TNN: variants seen among roughly 807,000 people sequenced by gnomAD.
The protein encoded by TNN is tenascin-N.
In TNN, 122 loss-of-function variants were observed where a neutral mutation model predicts 134.4. The observed-to-expected ratio is 0.91, with a 90% CI of 0.78 to 1.06. TNN has a LOEUF of 1.06. Among genes scored for constraint, TNN ranks in the 50% least tolerant of loss-of-function variants. The pLI is 0.00. For synonymous variants in TNN, 710 were observed against 670.3 expected (o/e 1.06, Z -0.91); for missense variants, 1,739 against 1,699.4 (o/e 1.02, Z -0.41).
intron 9 of TNN, among the ~76,000 whole-genome samples, chr1:175,103,587 C>A (rs989491115): frequency 6.9e-6 from 1 of 144,410 alleles, no homozygotes; most frequent in Non-Finnish European, 1.5e-5. Flanking sequence ...TTTACTACTT[C>A]TATCTCTCTC....
chr1:175,135,424 T>G (rs749103025), intron 15 of TNN, among the ~76,000 whole-genome samples: 4 of 152,166 alleles, frequency 2.6e-5, no homozygotes, highest in Non-Finnish European at 5.9e-5. Context: ...AAATAATTCC[T>G]ACCCTCAAAC....
Position 175,118,549 on chromosome 1 carries a change from T to TA in TNN, c.2387-12_2387-11insA. 1 of 1,609,694 alleles carries TA rather than the reference T, an allele frequency of 6.2e-7. No individual in the cohort carries two copies. The highest frequency in any genetic ancestry group is 8.5e-7 in the Non-Finnish European group (1 of 1,177,564). ...GTTCATAGTGCATATTGGTCAGCAT[T>TA]TTTTTTTTCAGACATTGACAGCCCC... On this transcript the variant is annotated splice_polypyrimidine_tract_variant and intron_variant, in intron 10 of 18. Coordinates refer to ENST00000239462, the MANE Select transcript of TNN (RefSeq NM_022093.2).
At chr1:175,139,113 C>T (rs1387282286) in intron 17 of TNN, among the ~76,000 whole-genome samples, 4 of 152,192 alleles carry the variant, frequency 2.6e-5, no homozygotes, top group African/African-American at 4.8e-5. Context: ...AGGCCCAGGA[C>T]AGGACTGTGC....
intron 15 of TNN, among the ~76,000 whole-genome samples, chr1:175,133,975 C>CTTT (rs959628069): frequency 5.3e-5 from 8 of 152,162 alleles, no homozygotes; most frequent in African/African-American, 1.9e-4. Flanking sequence ...AGGCTCCCAC[C>CTTT]TACAGCCTTT....
At chr1:175,143,887 G>T (rs1302798344) in intron 17 of TNN, among the ~76,000 whole-genome samples, 2 of 152,110 alleles carry the variant, frequency 1.3e-5, no homozygotes, top group South Asian at 2.1e-4. Flanking sequence ...CCCAGGATGA[G>T]AGAAGGCCGA....
chr1:175,123,642 G>T lies in TNN; in HGVS notation c.2893G>T (p.Ala965Ser). 6.2e-7 allele frequency: 1 copy of T among 1,614,222 alleles called. No homozygotes were observed. The highest frequency in any genetic ancestry group is 8.5e-7 in the Non-Finnish European group (1 of 1,180,042). ...GAAGGGGGCCCAGGAGAGCAAGAAGGCTGACACCAAGGCCCAGACAGGTAC... is the reference window on the plus strand; with the variant it reads ...GAAGGGGGCCCAGGAGAGCAAGAAGTCTGACACCAAGGCCCAGACAGGTAC... ...AQKGAQESKKADTKAQTELDP... is the reference protein window; with the variant it reads ...AQKGAQESKKSDTKAQTELDP... The change falls in exon 12 of 19, where the codon GCT becomes TCT. Residue 965 changes from alanine to serine, a missense_variant. Ala to Ser is a moderately conservative substitution (Grantham distance 99, BLOSUM62 1). Transcript: ENST00000239462.
chr1:175,118,447 T>A, intron 10 of TNN, 114 bp from the exon 11 acceptor site: 1 of 1,277,926 alleles, frequency 7.8e-7, no homozygotes, highest in South Asian at 1.4e-5. Context: ...CAAGAGCATA[T>A]GAGGCGGAAA....
chr1:175,094,052 TG>T lies in TNN; in HGVS notation c.1390del (p.Asp464ThrfsTer7), dbSNP rs762631100. On this transcript the variant is annotated frameshift_variant, in exon 7 of 19. Transcript: ENST00000239462. LOFTEE classifies it high-confidence loss of function. Reference sequence around the variant, plus strand: ...GACTGAAGACACAGCAACTGTCTCCTGGGACCCAGTGCAGGCTGTCATAGAC... The same window carrying T: ...GACTGAAGACACAGCAACTGTCTCCTGGACCCAGTGCAGGCTGTCATAGAC... The part of the protein sequence containing the change: ...RVTEDTATVS[W>X]DPVQAVIDKY... The T allele has an allele frequency of 6.2e-7, 1 of 1,614,058 alleles. No homozygotes were observed. The highest frequency in any genetic ancestry group is 8.5e-7 in the Non-Finnish European group (1 of 1,179,884).
At chr1:175,124,155 G>C (rs894248623) in intron 12 of TNN, among the ~76,000 whole-genome samples, 3 of 152,214 alleles carry the variant, frequency 2.0e-5, no homozygotes, top group Admixed American at 6.5e-5. Flanking sequence ...ACTTGGAAGA[G>C]AGCACTGTGC....
At chr1:175,137,090 T>C (rs1376281545) in intron 17 of TNN, 102 bp downstream of exon 17, 13 of 1,261,112 alleles carry the variant, frequency 1.0e-5, no homozygotes, top group Non-Finnish European at 1.3e-5. Context: ...TATTATTCTG[T>C]GGAGGTGAAT....
chr1:175,085,156 C>T (rs1484062693), intron 5 of TNN, among the ~76,000 whole-genome samples: 1 of 152,246 alleles, frequency 6.6e-6, no homozygotes, highest in Non-Finnish European at 1.5e-5. Context: ...ATTTGAAATG[C>T]ATTTCAATTG....
At chr1:175,078,183 A>G (rs1414788262) in intron 2 of TNN, among the ~76,000 whole-genome samples, 1 of 152,178 alleles carries the variant, frequency 6.6e-6, no homozygotes, top group East Asian at 1.9e-4. Context: ...GGAGCTAGAC[A>G]AGACAGGTTA....
chr1:175,140,113 A>G (rs1272632085), intron 17 of TNN, among the ~76,000 whole-genome samples: 3 of 152,356 alleles, frequency 2.0e-5, no homozygotes, highest in South Asian at 2.1e-4. Context: ...AGATCAGACT[A>G]TGTTCCTGAC....
intron 1 of TNN, among the ~76,000 whole-genome samples, chr1:175,074,107 A>AGTCTCTTTGCCT (rs1673981760): frequency 6.6e-6 from 1 of 151,868 alleles, no homozygotes; most frequent in Non-Finnish European, 1.5e-5. Context: ...ATCAGGCACC[A>AGTCTCTTTGCCT]GTCTCTTTGC....
intron 9 of TNN, among the ~76,000 whole-genome samples, chr1:175,106,072 C>T (rs1014403885): frequency 6.9e-6 from 1 of 145,638 alleles, no homozygotes; most frequent in Non-Finnish European, 1.5e-5. Flanking sequence ...GACGCATTCT[C>T]GAAAACCTGC....
chr1:175,127,714 G>A (rs922712614), intron 13 of TNN, among the ~76,000 whole-genome samples: 3 of 152,168 alleles, frequency 2.0e-5, no homozygotes, highest in Admixed American at 2.0e-4. Flanking sequence ...TGGCAATGTA[G>A]CCACTATAGT....
intron 4 of TNN, 70 bp downstream of exon 4, chr1:175,080,496 C>T: frequency 6.4e-7 from 1 of 1,570,394 alleles, no homozygotes. Flanking sequence ...TTTCATTAAA[C>T]ACCTGTAGGC....
intron 11 of TNN, 39 bp from the exon 12 acceptor site, chr1:175,123,361 T>A: frequency 6.2e-7 from 1 of 1,606,210 alleles, no homozygotes; most frequent in Non-Finnish European, 8.5e-7. Flanking sequence ...TGTCTTCCTT[T>A]GTTCTAAAGT....
At position 175,116,980 on chromosome 1, in the gene TNN, G is replaced by C. The variant is rs1482265999; in HGVS notation, c.2161G>C (p.Glu721Gln). ...AAACCTGGTGACCGACCGGGTGACA[G>C]AGAATATGGCCACTGTCTCCTGGGA... The part of the protein sequence containing the change: ...PQNLVTDRVT[E>Q]NMATVSWDPV... Residue 721 changes from glutamate (E) to glutamine (Q), a missense_variant, in exon 10 of 19, where the codon GAG (glutamate) becomes CAG (glutamine). Glu to Gln is a conservative substitution (Grantham distance 29). Coordinates refer to ENST00000239462, the MANE Select transcript of TNN (RefSeq NM_022093.2). 3.1e-6 allele frequency: 5 copies of C among 1,614,106 alleles called. No individual in the cohort carries two copies. Among genetic ancestry groups the C allele is most frequent in the Non-Finnish European group, 3.4e-6 (4 of 1,180,042 alleles).
Sources: gnomAD v4.1 joint callset for allele counts (sites outside exome capture counted in the v4.1 genomes callset) on GRCh38, gnomAD v4.1.1 for gene constraint, MANE v1.5 for transcripts, NCBI Gene and HGNC (gene_info 2026-07-23, HGNC 2026-07-21) for gene names.